Variants in NCKAP5 observed in about 807,000 individuals in gnomAD.
The protein encoded by NCKAP5 is nck-associated protein 5.
A neutral mutation model predicts 167.0 loss-of-function variants in NCKAP5; 92 were observed. The observed-to-expected ratio is 0.55, with a 90% CI of 0.47 to 0.66. The LOEUF (loss-of-function observed/expected upper bound fraction) is 0.66. Among genes scored for constraint, NCKAP5 ranks in the 30% least tolerant of loss-of-function variants. NCKAP5 has a pLI of 0.00. For synonymous variants in NCKAP5, 891 were observed against 877.4 expected, an observed-to-expected ratio of 1.02 and a Z score of -0.27; for missense variants, 2,378 against 2,315.0, an observed-to-expected ratio of 1.03 and a Z score of -0.56.
intron 5 of NCKAP5, among the ~76,000 whole-genome samples, chr2:133,183,634 G>T (rs577190398): frequency 1.3e-5 from 2 of 152,118 alleles, no homozygotes; most frequent in Non-Finnish European, 2.9e-5. Context: ...GATAAATGGT[G>T]AAAAAAGACT....
intron 16 of NCKAP5, among the ~76,000 whole-genome samples, chr2:132,766,108 C>T (rs1024351998): frequency 3.3e-5 from 5 of 151,530 alleles, no homozygotes; most frequent in Admixed American, 6.6e-5. Flanking sequence ...GGTGAAACCC[C>T]GTCTCTACTA....
intron 7 of NCKAP5, among the ~76,000 whole-genome samples, chr2:132,970,614 G>A (rs1051913539): frequency 2.6e-5 from 4 of 152,236 alleles, no homozygotes; most frequent in Non-Finnish European, 4.4e-5. Context: ...AGTTTGCATC[G>A]AAGGGTTTAT....
chr2:132,983,731 A>T (rs2077206066), intron 7 of NCKAP5, among the ~76,000 whole-genome samples: 1 of 152,168 alleles, frequency 6.6e-6, no homozygotes, highest in African/African-American at 2.4e-5. Flanking sequence ...CAACTTCAAT[A>T]GACTTCTCTA....
In NCKAP5 at chr2:132,924,570, TATC is replaced by T. The variant is rs1199141446; in HGVS notation, c.579+39147_579+39149del. ...TTTAAAATTACATGACATATTCTCT[TATC>T]AACATAGGCCAATAAAATACAAACA... is the stretch of plus-strand genomic sequence containing the variant. On this transcript the variant is annotated intron_variant, in intron 8 of 19. Transcript: ENST00000409261. Among the ~76,000 whole-genome samples the T allele has an allele frequency of 2.0e-5, 3 of 152,314 alleles. No individual in the cohort carries two copies. The South Asian group carries it at 6.2e-4, about 32-fold the overall frequency.
At chr2:133,116,789 T>G (rs1165673233) in intron 6 of NCKAP5, among the ~76,000 whole-genome samples, 1 of 152,190 alleles carries the variant, frequency 6.6e-6, no homozygotes, top group Non-Finnish European at 1.5e-5. Context: ...CTGTGTGGCC[T>G]TTGCAAATTG....
At position 132,785,078 on chromosome 2, in the gene NCKAP5, T is replaced by C; in HGVS notation, c.1733A>G (p.Gln578Arg). 1.9e-6 allele frequency: 3 copies of C among 1,614,082 alleles called. No individual in the cohort carries two copies. Among genetic ancestry groups the C allele is most frequent in the Non-Finnish European group, 2.5e-6 (3 of 1,179,908 alleles). The part of the protein sequence containing the change: ...QGHGRMALNL[Q>R]LSDTDDNETF... ...TTCATTGTCATCAGTGTCTGAAAGC[T>C]GGAGGTTGAGAGCCATGCGGCCATG... Residue 578 changes from glutamine to arginine, a missense_variant, in exon 14 of 20, where the codon CAG becomes CGG. By Grantham distance (43) the Gln-to-Arg change is conservative. Around this residue, in one of 3 missense-constraint regions of NCKAP5, gnomAD observed 1,049 missense variants for 1,023.4 expected, o/e 1.02. Coordinates refer to ENST00000409261, the MANE Select transcript of NCKAP5 (RefSeq NM_207363.3).
chr2:133,603,083 A>G, the NCKAP5 span, among the ~76,000 whole-genome samples: 1 of 152,202 alleles, frequency 6.6e-6, no homozygotes, highest in Non-Finnish European at 1.5e-5. Flanking sequence ...TCGGATAGCC[A>G]AAAAGTTAAA....
intron 6 of NCKAP5, among the ~76,000 whole-genome samples, chr2:133,016,673 G>A (rs1394292151): frequency 3.9e-5 from 6 of 152,212 alleles, no homozygotes; most frequent in Non-Finnish European, 8.8e-5. Flanking sequence ...AACATTCAGT[G>A]TAAGGAAGGA....
chr2:133,315,774 C>T (rs1681563057), intron 3 of NCKAP5, among the ~76,000 whole-genome samples: 1 of 152,148 alleles, frequency 6.6e-6, no homozygotes, highest in South Asian at 2.1e-4. Context: ...AATATAGTGG[C>T]CATTAGCGGC....
chr2:133,483,397 C>T (rs1313757351), intron 3 of NCKAP5, among the ~76,000 whole-genome samples: 1 of 152,156 alleles, frequency 6.6e-6, no homozygotes, highest in Non-Finnish European at 1.5e-5. Context: ...GCTCCCAACA[C>T]TCTCTCCATA....
intron 1 of NCKAP5, among the ~76,000 whole-genome samples, chr2:133,566,428 C>A (rs1688559670): frequency 6.6e-6 from 1 of 152,170 alleles, no homozygotes; most frequent in Admixed American, 6.5e-5. Flanking sequence ...AGGCCATTAT[C>A]TGTAAAATAA....
At chr2:132,975,491 G>A (rs535200433) in intron 7 of NCKAP5, among the ~76,000 whole-genome samples, 4 of 151,970 alleles carry the variant, frequency 2.6e-5, no homozygotes, top group Non-Finnish European at 4.4e-5. Context: ...TCCATCTATC[G>A]GCAACACTTA....
Position 132,731,729 on chromosome 2 carries a change from C to T in NCKAP5, c.5443+8G>A. ...TGTCTTATTAAGGGTGGGAAATTGG[C>T]ATTTTACCTGAGGAAGCTGGTTTGG... On this transcript the variant is annotated splice_region_variant and intron_variant, in intron 17 of 19. Transcript: ENST00000409261. 6.4e-7 allele frequency: 1 copy of T among 1,564,062 alleles called. No homozygotes were observed. The highest frequency in any genetic ancestry group is 8.7e-7 in the Non-Finnish European group (1 of 1,152,210).
chr2:133,429,538 T>A (rs982940060), intron 3 of NCKAP5, among the ~76,000 whole-genome samples: 1 of 152,146 alleles, frequency 6.6e-6, no homozygotes, highest in Non-Finnish European at 1.5e-5. Flanking sequence ...CCCCCAGATT[T>A]AGCTTCAACT....
intron 6 of NCKAP5, among the ~76,000 whole-genome samples, chr2:133,088,533 C>T (rs1287257241): frequency 1.3e-5 from 2 of 152,064 alleles, no homozygotes; most frequent in Non-Finnish European, 2.9e-5. Flanking sequence ...TCTAACCACC[C>T]AGAGAGAGAA....
At chr2:133,503,388 C>A (rs1682713287) in intron 3 of NCKAP5, among the ~76,000 whole-genome samples, 1 of 152,166 alleles carries the variant, frequency 6.6e-6, no homozygotes, top group Non-Finnish European at 1.5e-5. Flanking sequence ...CTCATCTGAT[C>A]CTTATATAAG....
intron 6 of NCKAP5, among the ~76,000 whole-genome samples, chr2:133,008,410 A>G (rs561271524): frequency 6.8e-4 from 104 of 152,286 alleles, no homozygotes; most frequent in African/African-American, 2.3e-3. Flanking sequence ...AAAATACACT[A>G]TCAAGCCTTC....
chr2:132,673,660 A>C (rs57381356), intron 19 of NCKAP5, among the ~76,000 whole-genome samples: 2,362 of 152,262 alleles, frequency 0.016, 61 homozygotes, highest in African/African-American at 0.049. Flanking sequence ...ACTTTTTCTA[A>C]ATATGAGTAG....
intron 3 of NCKAP5, among the ~76,000 whole-genome samples, chr2:133,488,650 T>C (rs1312569877): frequency 1.3e-5 from 2 of 151,696 alleles, no homozygotes; most frequent in African/African-American, 2.4e-5. Flanking sequence ...CTGGGCAACA[T>C]AGGGAGACCC....
Sources: allele counts gnomAD v4.1 joint callset (sites outside exome capture counted in the v4.1 genomes callset), GRCh38; gene constraint gnomAD v4.1.1; regional missense constraint gnomAD v4.1.1; transcripts MANE v1.5; gene names NCBI Gene and HGNC (gene_info 2026-07-23, HGNC 2026-07-21).